Variants in PROSER2 observed in about 807,000 individuals in gnomAD.
The protein encoded by PROSER2 is proline and serine rich 2, also known as proline and serine-rich protein 2.
PROSER2 carries 18 observed loss-of-function variants against 14.6 expected under a neutral mutation model. That is an observed-to-expected ratio of 1.23 (90% CI 0.85 to 1.83). PROSER2 has a LOEUF of 1.83. Among genes scored for constraint, PROSER2 ranks in the 40% most tolerant of loss-of-function variants. The probability of loss-of-function intolerance (pLI) is 0.00; values close to 1 mark genes in which losing one functional copy is unlikely to be tolerated. For missense variants in PROSER2, 823 were observed against 629.8 expected (o/e 1.31, Z -3.28); for synonymous variants, 367 against 286.4 (o/e 1.28, Z -2.84).
intron 1 of PROSER2, among the ~76,000 whole-genome samples, chr10:11,835,893 G>A (rs994099960): frequency 1.3e-5 from 2 of 152,140 alleles, no homozygotes; most frequent in African/African-American, 4.8e-5. Context: ...CCCACTCATG[G>A]TAGTGAGCGG....
chr10:11,844,233 GCTCCCACTCAGC>G (rs879865526), intron 1 of PROSER2, among the ~76,000 whole-genome samples: 56 of 152,120 alleles, frequency 3.7e-4, no homozygotes, highest in Admixed American at 2.2e-3. Flanking sequence ...CTCAAGAAAT[GCTCCCACTCAGC>G]CTCCCAAAGC....
chr10:11,850,583 T>C (rs1834001785), intron 1 of PROSER2: 1 of 152,262 alleles, frequency 6.6e-6, no homozygotes, highest in Non-Finnish European at 1.5e-5. Context: ...CTATTTGGAA[T>C]AGTGGCAACT....
At chr10:11,831,034 T>A (rs991530395) in intron 1 of PROSER2, among the ~76,000 whole-genome samples, 1 of 152,110 alleles carries the variant, frequency 6.6e-6, no homozygotes, top group Non-Finnish European at 1.5e-5. Context: ...CACCAGGAGG[T>A]CTTGTGTGAG....
At chr10:11,825,495 C>CG in intron 1 of PROSER2, among the ~76,000 whole-genome samples, 1 of 152,296 alleles carries the variant, frequency 6.6e-6, no homozygotes, top group South Asian at 2.1e-4. Flanking sequence ...CAGCCGTCCC[C>CG]GCTCCACTCT....
intron 2 of PROSER2, chr10:11,857,127 C>A (rs1464814086): frequency 1.3e-5 from 2 of 152,014 alleles, no homozygotes; most frequent in Non-Finnish European, 2.9e-5. Context: ...TAGGAACTCA[C>A]CATATAGTGA....
chr10:11,853,419 C>G (rs1834066270), intron 2 of PROSER2, among the ~76,000 whole-genome samples: 1 of 152,126 alleles, frequency 6.6e-6, no homozygotes, highest in Non-Finnish European at 1.5e-5. Flanking sequence ...GAAACCCCGT[C>G]TCTACTAAAA....
In PROSER2 at chr10:11,870,078, A is replaced by G. The variant is rs1056053177; in HGVS notation, c.980A>G (p.Glu327Gly). Residue 327 changes from glutamate (E) to glycine (G), a missense_variant, in exon 4 of 4, where the codon GAG becomes GGG. By Grantham distance (98) the Glu-to-Gly change is moderately conservative. Coordinates refer to ENST00000277570, the MANE Select transcript of PROSER2 (RefSeq NM_153256.4). ...GGCCGGGGCCTGCCGGGCCCCGCTG[A>G]GAGTCTCCGGGCAGGGGGTCAGGCT... ...ARGRGLPGPA[E>G]SLRAGGQAPR... The G allele has an allele frequency of 5.6e-5, 71 of 1,276,668 alleles. No individual in the cohort carries two copies. Among genetic ancestry groups the G allele is most frequent in the Non-Finnish European group, 3.7e-5 (37 of 1,011,944 alleles). The allele number at this position is 1,276,668 out of a possible 1,614,324, so 79.1% of individuals were successfully genotyped here. A position where few individuals can be genotyped will look rare whatever the true frequency, so the allele number is the denominator to read the frequency against.
chr10:11,872,153 T>C lies in PROSER2; in HGVS notation c.*1747T>C, dbSNP rs1442509341. ...CGACATTTTAAATATTCTTTATACATGAGGACTGCATCTTTTTCACTGACC... is the reference window on the plus strand; with the variant it reads ...CGACATTTTAAATATTCTTTATACACGAGGACTGCATCTTTTTCACTGACC... On this transcript the variant is annotated 3_prime_UTR_variant, in exon 4 of 4. Coordinates refer to ENST00000277570, the MANE Select transcript of PROSER2 (RefSeq NM_153256.4). 1 of 152,246 alleles carries C rather than the reference T, an allele frequency of 6.6e-6. No homozygotes were observed. Among genetic ancestry groups the C allele is most frequent in the Non-Finnish European group, 1.5e-5 (1 of 68,034 alleles). The allele number at this position is 152,246 out of a possible 1,614,324, so 9.4% of individuals were successfully genotyped here.
chr10:11,826,897 TCC>T, intron 1 of PROSER2, among the ~76,000 whole-genome samples: 1 of 134,742 alleles, frequency 7.4e-6, no homozygotes, highest in East Asian at 2.2e-4. Context: ...TTTTTTTTTT[TCC>T]TCTGACATAG....
chr10:11,872,200 G>A lies in PROSER2; in HGVS notation c.*1794G>A, dbSNP rs1834502282. On this transcript the variant is annotated 3_prime_UTR_variant, in exon 4 of 4. Transcript: ENST00000277570. ...GACCCTATGATTTCACTGTGAGTAGGGTGAACTGGACTGCATATTAGTTTA... is the reference window on the plus strand; with the variant it reads ...GACCCTATGATTTCACTGTGAGTAGAGTGAACTGGACTGCATATTAGTTTA... 6.6e-6 allele frequency: 1 copy of A among 152,124 alleles called. No homozygotes were observed. The highest frequency in any genetic ancestry group is 2.4e-5 in the African/African-American group (1 of 41,418). The allele number at this position is 152,124 out of a possible 1,614,324, so 9.4% of individuals were successfully genotyped here. A position where few individuals can be genotyped will look rare whatever the true frequency, so the allele number is the denominator to read the frequency against.
chr10:11,859,391 C>T (rs1245307408), intron 2 of PROSER2, among the ~76,000 whole-genome samples: 3 of 152,154 alleles, frequency 2.0e-5, no homozygotes. Context: ...CACACCACTG[C>T]ACTCCAAGCT....
chr10:11,870,328 G>T lies in PROSER2; in HGVS notation c.1230G>T (p.Gln410His). Residue 410 changes from glutamine (Q) to histidine (H), a missense_variant, in exon 4 of 4, where the codon CAG (glutamine) becomes CAT (histidine). Transcript: ENST00000277570. Reference sequence around the variant, plus strand: ...CCCGGCCCCAGGGCATCACCGTGCAGTTCGCGGGCCGCGGCTCCTCGGAGG... The same window carrying T: ...CCCGGCCCCAGGGCATCACCGTGCATTTCGCGGGCCGCGGCTCCTCGGAGG... The part of the protein sequence containing the change: ...SLPRPQGITV[Q>H]FAGRGSSEEA... 6.6e-7 allele frequency: 1 copy of T among 1,504,314 alleles called. No homozygotes were observed. Among genetic ancestry groups the T allele is most frequent in the Non-Finnish European group, 8.8e-7 (1 of 1,130,546 alleles). The allele number at this position is 1,504,314 out of a possible 1,614,324, so 93.2% of individuals were successfully genotyped here. A position where few individuals can be genotyped will look rare whatever the true frequency, so the allele number is the denominator to read the frequency against.
chr10:11,870,219 T>C lies in PROSER2; in HGVS notation c.1121T>C (p.Leu374Pro). The stretch of plus-strand genomic sequence containing the variant: ...CTCTGCTTCCGCCCTGGCCCGGCCC[T>C]GCCCAGCACGCGGGCCCGTCAGAGC... ...KSLCFRPGPALPSTRARQSFP... is the reference protein window; with the variant it reads ...KSLCFRPGPAPPSTRARQSFP... Residue 374 changes from leucine to proline, a missense_variant, in exon 4 of 4, where the codon CTG becomes CCG. Physicochemically the swap from Leu to Pro is moderately conservative, Grantham distance 98. Transcript: ENST00000277570. 6.7e-7 allele frequency: 1 copy of C among 1,490,756 alleles called. No individual in the cohort carries two copies. The highest frequency in any genetic ancestry group is 8.9e-7 in the Non-Finnish European group (1 of 1,127,642). The allele number at this position is 1,490,756 out of a possible 1,614,324, so 92.3% of individuals were successfully genotyped here. A position where few individuals can be genotyped will look rare whatever the true frequency, so the allele number is the denominator to read the frequency against.
At chr10:11,860,080 G>A (rs1282336561) in intron 2 of PROSER2, among the ~76,000 whole-genome samples, 1 of 152,198 alleles carries the variant, frequency 6.6e-6, no homozygotes, top group Non-Finnish European at 1.5e-5. Context: ...GCAGATCCGG[G>A]TTCACTGTGG....
chr10:11,826,497 C>T (rs1833615352), intron 1 of PROSER2, among the ~76,000 whole-genome samples: 1 of 152,188 alleles, frequency 6.6e-6, no homozygotes, highest in Non-Finnish European at 1.5e-5. Flanking sequence ...CCACTAGCAA[C>T]GTGTGAGGGT....
chr10:11,869,942 A>T lies in PROSER2; in HGVS notation c.844A>T (p.Arg282Trp), dbSNP rs747913454. ...GGCGGCCGTCAGCGTGCAGGAGCGC[A>T]GGGCGCAGGTGTTGGCCACCATCCA... ...SRAAVSVQERRAQVLATIHGH... is the reference protein window; with the variant it reads ...SRAAVSVQERWAQVLATIHGH... Residue 282 changes from arginine (R) to tryptophan (W), a missense_variant, in exon 4 of 4, where the codon AGG becomes TGG. Coordinates refer to ENST00000277570, the MANE Select transcript of PROSER2 (RefSeq NM_153256.4). This position sits in a 1 kb window ranked among gnomAD's most constrained non-coding sequence, Gnocchi z 4.4. 327 of 1,523,502 alleles carry T rather than the reference A, an allele frequency of 2.1e-4. No homozygotes were observed. The highest frequency in any genetic ancestry group is 8.2e-4 in the South Asian group (67 of 81,946). The allele number at this position is 1,523,502 out of a possible 1,614,324, so 94.4% of individuals were successfully genotyped here. A position where few individuals can be genotyped will look rare whatever the true frequency, so the allele number is the denominator to read the frequency against.
chr10:11,870,396 A>T lies in PROSER2; in HGVS notation c.1298A>T (p.Glu433Val). The stretch of plus-strand genomic sequence containing the variant: ...CTGCGGAAGCTGGGGCTGCTCAGGG[A>T]GAGTTCGTGAGGGCCGCGCGGGCTC... Reference protein sequence around the residue: ...EALRKLGLLRESS With the variant: ...EALRKLGLLRVSS Residue 433 changes from glutamate to valine, a missense_variant, in exon 4 of 4, where the codon GAG becomes GTG. Coordinates refer to ENST00000277570, the MANE Select transcript of PROSER2 (RefSeq NM_153256.4). 2 of 1,498,334 alleles carry T rather than the reference A, an allele frequency of 1.3e-6. No homozygotes were observed. The highest frequency in any genetic ancestry group is 1.8e-6 in the Non-Finnish European group (2 of 1,126,492). The allele number at this position is 1,498,334 out of a possible 1,614,324, so 92.8% of individuals were successfully genotyped here. A position where few individuals can be genotyped will look rare whatever the true frequency, so the allele number is the denominator to read the frequency against.
In PROSER2 at chr10:11,857,935, C is replaced by T. The variant is rs371804928; in HGVS notation, c.138+5720C>T. On this transcript the variant is annotated intron_variant, in intron 2 of 3. Coordinates refer to ENST00000277570, the MANE Select transcript of PROSER2 (RefSeq NM_153256.4). ...CTTAGTCTGCAGTTAAACTAAATTT[C>T]TTTTTTTTTCCCCCCCAAGATGGAG... 3.2e-4 allele frequency among the ~76,000 whole-genome samples: 48 copies of T among 151,128 alleles called. 2 individuals carry two copies. The East Asian group carries it at 4.7e-3, about 15-fold the overall frequency.
Position 11,869,661 on chromosome 10 carries a change from T to A in PROSER2, c.563T>A (p.Leu188Gln), listed in dbSNP as rs758284841. The change falls in exon 4 of 4, where the codon CTG (leucine) becomes CAG (glutamine). Residue 188 changes from leucine to glutamine, a missense_variant. Leu to Gln is a moderately radical substitution (Grantham distance 113). Coordinates refer to ENST00000277570, the MANE Select transcript of PROSER2 (RefSeq NM_153256.4). The surrounding 1 kb of genome is among the most constrained non-coding windows in gnomAD (Gnocchi z 4.4). ...CCGCCGGTGGAGCACCCCAGACTCCTGCGCTCTGTTCCCACGCCCCTCGTT... is the reference window on the plus strand; with the variant it reads ...CCGCCGGTGGAGCACCCCAGACTCCAGCGCTCTGTTCCCACGCCCCTCGTT... ...PSPPVEHPRL[L>Q]RSVPTPLVMA... is the part of the protein sequence containing the mutation. 2.9e-5 allele frequency: 46 copies of A among 1,600,910 alleles called. No individual in the cohort carries two copies. The highest frequency in any genetic ancestry group is 3.7e-5 in the Non-Finnish European group (44 of 1,174,208).
Sources: gnomAD v4.1 joint callset for allele counts (sites outside exome capture counted in the v4.1 genomes callset) on GRCh38, gnomAD v4.1.1 for gene constraint, Gnocchi (gnomAD v3.1) non-coding constraint, MANE v1.5 for transcripts, NCBI Gene and HGNC (gene_info 2026-07-23, HGNC 2026-07-21) for gene names.